Variants in SLC6A13 observed in about 807,000 individuals in gnomAD.
The protein encoded by SLC6A13 is solute carrier family 6 member 13, also known as sodium- and chloride-dependent GABA transporter 2.
SLC6A13 carries 69 observed loss-of-function variants against 72.9 expected under a neutral mutation model. The ratio of observed to expected loss-of-function variants is 0.95; its 90% CI spans 0.78 to 1.16. SLC6A13 has a LOEUF of 1.16. Ranked by LOEUF, SLC6A13 falls within the 50% of genes most tolerant of loss-of-function variation. The pLI is 0.00. For synonymous variants in SLC6A13, 303 were observed against 303.0 expected (o/e 1.00, Z 0.00); for missense variants, 735 against 760.5 (o/e 0.97, Z 0.39).
chr12:247,675 T>C (rs1447247942), intron 2 of SLC6A13, among the ~76,000 whole-genome samples: 1 of 152,134 alleles, frequency 6.6e-6, no homozygotes, highest in Non-Finnish European at 1.5e-5. Flanking sequence ...GCTTTAGAAA[T>C]AGTAATTACA....
Position 221,493 on chromosome 12 carries a change from C to G in SLC6A13, c.1569G>C (p.Lys523Asn), listed in dbSNP as rs1012964379. 3 of 1,613,314 alleles carry G rather than the reference C, an allele frequency of 1.9e-6. No individual in the cohort carries two copies. Among genetic ancestry groups the G allele is most frequent in the Non-Finnish European group, 1.7e-6 (2 of 1,179,674 alleles). The change falls in exon 14 of 15, where the codon AAG (lysine) becomes AAC (asparagine). Residue 523 changes from lysine to asparagine, a missense_variant. Physicochemically the swap from Lys to Asn is moderately conservative, Grantham distance 94 (BLOSUM62 0). Transcript: ENST00000343164. Reference protein sequence around the residue: ...IKYTPLTYNKKYTYPWWGDAL... With the variant: ...IKYTPLTYNKNYTYPWWGDAL... ...CATCGCCCCACCACGGGTACGTGTA[C>G]TTCTTGTTGTAGGTCAGCGGAGTGT...
At chr12:242,290 AGAG>A (rs1942193916) in intron 4 of SLC6A13, among the ~76,000 whole-genome samples, 1 of 152,234 alleles carries the variant, frequency 6.6e-6, no homozygotes, top group Non-Finnish European at 1.5e-5. Flanking sequence ...AACGTACCAG[AGAG>A]AAGATACGCG....
chr12:238,325 T>C, intron 4 of SLC6A13: 1 of 1,356,510 alleles, frequency 7.4e-7, no homozygotes, highest in Non-Finnish European at 9.7e-7. Flanking sequence ...TATGTAAGCG[T>C]CCTGTGCAAA....
In SLC6A13 at chr12:224,347, C is replaced by T. The variant is rs567562777; in HGVS notation, c.1173+54G>A. 481 of 1,506,058 alleles carry T rather than the reference C, an allele frequency of 3.2e-4. 11 individuals carry two copies. The South Asian group carries it at 5.2e-3, about 16-fold the overall frequency. 93.3% of individuals were successfully genotyped at this position (1,506,058 alleles called of 1,614,324 possible). Reference sequence around the variant, plus strand: ...ACATTCACCCATGGCTCCTCCTCCCCAGCACACACCCCCCCACTCATCTCT... The same window carrying T: ...ACATTCACCCATGGCTCCTCCTCCCTAGCACACACCCCCCCACTCATCTCT... On this transcript the variant is annotated intron_variant, in intron 10 of 14. Coordinates refer to ENST00000343164, the MANE Select transcript of SLC6A13 (RefSeq NM_016615.5).
chr12:237,684 C>T (rs2137286588), intron 5 of SLC6A13, among the ~76,000 whole-genome samples: 1 of 152,260 alleles, frequency 6.6e-6, no homozygotes, highest in South Asian at 2.1e-4. Context: ...TATGCACACA[C>T]ACTCTCTAAC....
chr12:221,361 C>A lies in SLC6A13; in HGVS notation c.1686+15G>T, dbSNP rs774788829. 1 of 1,571,092 alleles carries A rather than the reference C, an allele frequency of 6.4e-7. No homozygotes were observed. Among genetic ancestry groups the A allele is most frequent in the Non-Finnish European group, 8.6e-7 (1 of 1,158,522 alleles). Reference sequence around the variant, plus strand: ...CCAGCCCCTCTGGCTGCTTTCCTGCCCGCAAAGGCCCTACCTCTCTGAAGG... The same window carrying A: ...CCAGCCCCTCTGGCTGCTTTCCTGCACGCAAAGGCCCTACCTCTCTGAAGG... On this transcript the variant is annotated intron_variant, in intron 14 of 14. Transcript: ENST00000343164.
At position 224,516 on chromosome 12, in the gene SLC6A13, A is replaced by G. The variant is rs758836522; in HGVS notation, c.1061-3T>C. 4 of 1,613,276 alleles carry G rather than the reference A, an allele frequency of 2.5e-6. No homozygotes were observed. The South Asian group carries it at 4.4e-5, about 18-fold the overall frequency. On this transcript the variant is annotated splice_region_variant and splice_polypyrimidine_tract_variant and intron_variant, in intron 9 of 14. Coordinates refer to ENST00000343164, the MANE Select transcript of SLC6A13 (RefSeq NM_016615.5). Reference sequence around the variant, plus strand: ...AGCGATGAAAGCCAGGCCAGGGCCTACGACAAGGAGCAGAGGAACACGGGC... The same window carrying G: ...AGCGATGAAAGCCAGGCCAGGGCCTGCGACAAGGAGCAGAGGAACACGGGC...
intron 7 of SLC6A13, among the ~76,000 whole-genome samples, chr12:233,224 G>A (rs561825974): frequency 6.6e-6 from 1 of 152,274 alleles, no homozygotes; most frequent in East Asian, 1.9e-4. Context: ...GGGCATAACC[G>A]GGTAACAACA....
rs74514419 is a variant in SLC6A13, at chr12:236,558, A to G, written c.696+600T>C. On this transcript the variant is annotated intron_variant, in intron 6 of 14. Transcript: ENST00000343164. ...TCCCACCTCCCCTGACACATATTCA[A>G]TAAATATTTGTTGAGTGGCTGAATG... Among the ~76,000 whole-genome samples the G allele has an allele frequency of 2.5e-3, 377 of 152,296 alleles. 7 individuals carry two copies. The East Asian group carries it at 0.058, about 23-fold the overall frequency.
chr12:234,942 G>A, intron 7 of SLC6A13, 148 bp downstream of exon 7: 1 of 847,884 alleles, frequency 1.2e-6, no homozygotes, highest in South Asian at 1.7e-5. Flanking sequence ...ACAAACAGAT[G>A]TCTAGAGAAG....
chr12:259,756 C>T (rs1219467197), intron 2 of SLC6A13, 95 bp downstream of exon 2: 1 of 1,612,864 alleles, frequency 6.2e-7, no homozygotes, highest in East Asian at 2.2e-5. Context: ...GAATTCTATA[C>T]ATCTATGGGA....
At chr12:224,361 C>G (rs768117880) in intron 10 of SLC6A13, 40 bp downstream of exon 10, 2 of 1,538,698 alleles carry the variant, frequency 1.3e-6, no homozygotes, top group Non-Finnish European at 1.8e-6. Flanking sequence ...ACACACCCCC[C>G]CACTCATCTC....
intron 2 of SLC6A13, among the ~76,000 whole-genome samples, chr12:250,982 C>G (rs1479208412): frequency 6.6e-6 from 1 of 151,826 alleles, no homozygotes; most frequent in African/African-American, 2.4e-5. Context: ...CGGTGAAACC[C>G]TGTCTCTACT....
chr12:235,172 A>G lies in SLC6A13; in HGVS notation c.749T>C (p.Ile250Thr), dbSNP rs752769976. ...FPYLMLVVLL[I>T]RGVTLPGAAQ... is the part of the protein sequence containing the mutation. ...TGCCCCAGGCAACGTCACCCCTCGA[A>G]TTAACAGGACCACCAGCATGAGGTA... is the stretch of plus-strand genomic sequence containing the variant. The change falls in exon 7 of 15, where the codon ATT becomes ACT. Residue 250 changes from isoleucine to threonine, a missense_variant. Coordinates refer to ENST00000343164, the MANE Select transcript of SLC6A13 (RefSeq NM_016615.5). 6.2e-7 allele frequency: 1 copy of G among 1,614,220 alleles called. No individual in the cohort carries two copies. The highest frequency in any genetic ancestry group is 1.1e-5 in the South Asian group (1 of 91,088).
At chr12:236,262 T>G (rs1047268363) in intron 6 of SLC6A13, among the ~76,000 whole-genome samples, 4 of 152,198 alleles carry the variant, frequency 2.6e-5, no homozygotes, top group South Asian at 2.1e-4. Context: ...TTACACCCCC[T>G]CCCCTTTTAA....
intron 2 of SLC6A13, among the ~76,000 whole-genome samples, chr12:245,683 A>G (rs1251124707): frequency 6.6e-6 from 1 of 151,678 alleles, no homozygotes; most frequent in Non-Finnish European, 1.5e-5. Flanking sequence ...CTGTCGCAAA[A>G]AAAAAAGAAA....
intron 7 of SLC6A13, among the ~76,000 whole-genome samples, chr12:234,000 G>A (rs1020650497): frequency 1.3e-5 from 2 of 152,064 alleles, no homozygotes; most frequent in African/African-American, 4.8e-5. Context: ...CAAGATACCA[G>A]TCATAAAGAC....
chr12:245,357 A>AGTTAAAGAATAT (rs1231153745), intron 2 of SLC6A13, among the ~76,000 whole-genome samples: 1 of 152,196 alleles, frequency 6.6e-6, no homozygotes, highest in Non-Finnish European at 1.5e-5. Flanking sequence ...AACTTCACTG[A>AGTTAAAGAATAT]TCCCAGAACA....
intron 9 of SLC6A13, among the ~76,000 whole-genome samples, chr12:225,799 G>T (rs1471594112): frequency 6.6e-6 from 1 of 152,194 alleles, no homozygotes; most frequent in Non-Finnish European, 1.5e-5. Flanking sequence ...ATTATTACAG[G>T]GCAAAGTAGG....
Sources: allele counts gnomAD v4.1 joint callset (sites outside exome capture counted in the v4.1 genomes callset), GRCh38; gene constraint gnomAD v4.1.1; transcripts MANE v1.5; gene names NCBI Gene and HGNC (gene_info 2026-07-23, HGNC 2026-07-21).